The following ARID1B variants were observed in gnomAD, a reference collection of about 807,000 sequenced individuals.
The protein encoded by ARID1B is AT-rich interactive domain-containing protein 1B.
A neutral mutation model predicts 212.3 loss-of-function variants in ARID1B; 30 were observed. The ratio of observed to expected loss-of-function variants is 0.14; its 90% confidence interval spans 0.11 to 0.19. The LOEUF (loss-of-function observed/expected upper bound fraction) is 0.19, where lower values mean the gene tolerates loss of function less well. Ranked by LOEUF, ARID1B falls within the 10% of genes least tolerant of loss-of-function variation. The probability of loss-of-function intolerance (pLI) is 1.00; values close to 1 mark genes in which losing one functional copy is unlikely to be tolerated. For synonymous variants in ARID1B, 1,402 were observed against 1,301.7 expected (o/e 1.08, Z -1.66); for missense variants, 2,891 against 3,204.0 (o/e 0.90, Z 2.36).
intron 1 of ARID1B, among the ~76,000 whole-genome samples, chr6:156,826,454 CCTT>C (rs1477745357): frequency 5.3e-5 from 8 of 152,226 alleles, no homozygotes; most frequent in Non-Finnish European, 1.2e-4. Context: ...GCTCGTTCAT[CCTT>C]CTGCTTCCAG....
At chr6:157,164,283 T>C (rs1791163060) in intron 8 of ARID1B, among the ~76,000 whole-genome samples, 1 of 152,188 alleles carries the variant, frequency 6.6e-6, no homozygotes, top group African/African-American at 2.4e-5. Flanking sequence ...ATGGACCTCA[T>C]TGTTAGTTTA....
At chr6:157,178,158 T>G (rs1792236499) in intron 11 of ARID1B, among the ~76,000 whole-genome samples, 1 of 152,182 alleles carries the variant, frequency 6.6e-6, no homozygotes, top group African/African-American at 2.4e-5. Context: ...CCACGTTCAC[T>G]CCACACCTTG....
At chr6:156,875,554 A>G (rs1453097993) in intron 2 of ARID1B, among the ~76,000 whole-genome samples, 1 of 152,242 alleles carries the variant, frequency 6.6e-6, no homozygotes, top group Non-Finnish European at 1.5e-5. Context: ...AGATTTTAGC[A>G]TGAGACTGAT....
At chr6:156,869,566 C>T (rs1339077254) in intron 2 of ARID1B, among the ~76,000 whole-genome samples, 1 of 152,112 alleles carries the variant, frequency 6.6e-6, no homozygotes, top group Non-Finnish European at 1.5e-5. Flanking sequence ...TCTCAGTGAC[C>T]TATATTAACT....
intron 4 of ARID1B, among the ~76,000 whole-genome samples, chr6:157,064,299 G>C (rs866906105): frequency 6.6e-6 from 1 of 152,298 alleles, no homozygotes; most frequent in South Asian, 2.1e-4. Context: ...AGGTAACTTT[G>C]CATGTATCTG....
intron 7 of ARID1B, among the ~76,000 whole-genome samples, 185 bp downstream of exon 7, chr6:157,133,392 A>G (rs1583369538): frequency 6.6e-6 from 1 of 152,240 alleles, no homozygotes; most frequent in Non-Finnish European, 1.5e-5. Context: ...AGGAATAATT[A>G]CAGCCACTAT....
At chr6:156,847,689 T>G (rs1021899303) in intron 2 of ARID1B, among the ~76,000 whole-genome samples, 2 of 152,220 alleles carry the variant, frequency 1.3e-5, no homozygotes, top group Non-Finnish European at 2.9e-5. Context: ...CATTTGGTAG[T>G]TATTAACACA....
chr6:157,172,683 C>G (rs1791799046), intron 9 of ARID1B: 1 of 152,194 alleles, frequency 6.6e-6, no homozygotes, highest in Non-Finnish European at 1.5e-5. Flanking sequence ...GCTAATTCAC[C>G]AGAGCCTGCT....
chr6:156,924,997 A>G (rs1791104243), intron 3 of ARID1B, among the ~76,000 whole-genome samples: 1 of 152,178 alleles, frequency 6.6e-6, no homozygotes, highest in Non-Finnish European at 1.5e-5. Context: ...TTCTGAGCCC[A>G]CTGTTAGTTT....
chr6:157,004,667 C>A (rs1351629782), intron 4 of ARID1B, among the ~76,000 whole-genome samples: 1 of 152,114 alleles, frequency 6.6e-6, no homozygotes, highest in East Asian at 1.9e-4. Context: ...AACAGCCGTG[C>A]ACTTGGACTT....
intron 4 of ARID1B, among the ~76,000 whole-genome samples, chr6:156,947,307 A>C (rs1487294995): frequency 6.6e-6 from 1 of 152,132 alleles, no homozygotes; most frequent in Non-Finnish European, 1.5e-5. Flanking sequence ...TTCTTACTTT[A>C]GTTCATTTTG....
intron 8 of ARID1B, among the ~76,000 whole-genome samples, chr6:157,158,968 A>G (rs1250806382): frequency 6.6e-6 from 1 of 152,174 alleles, no homozygotes; most frequent in Non-Finnish European, 1.5e-5. Flanking sequence ...AGACCAGGAA[A>G]CTGTGCCATT....
At chr6:156,847,821 C>T (rs1484104248) in intron 2 of ARID1B, among the ~76,000 whole-genome samples, 4 of 152,110 alleles carry the variant, frequency 2.6e-5, no homozygotes, top group South Asian at 2.1e-4. Flanking sequence ...ACTGTAGACC[C>T]GGCTCTCTGC....
At chr6:156,918,256 G>C (rs1790514903) in intron 3 of ARID1B, among the ~76,000 whole-genome samples, 1 of 152,080 alleles carries the variant, frequency 6.6e-6, no homozygotes, top group Admixed American at 6.6e-5. Flanking sequence ...TTATATTGTT[G>C]TTATTTATAT....
chr6:156,966,380 TC>T (rs369277158), intron 4 of ARID1B, among the ~76,000 whole-genome samples: 41 of 98,560 alleles, frequency 4.2e-4, no homozygotes, highest in Middle Eastern at 4.5e-3. Context: ...ACTTTTCTTT[TC>T]TTTTCTTTTT....
chr6:156,789,749 T>G (rs1779890179), intron 1 of ARID1B, among the ~76,000 whole-genome samples: 1 of 152,150 alleles, frequency 6.6e-6, no homozygotes, highest in Non-Finnish European at 1.5e-5. Context: ...GATTATGCAT[T>G]TACTAGCTGT....
rs1425470225 is a variant in ARID1B, at chr6:156,829,228, G to T, written c.1793G>T (p.Gly598Val). 1 of 1,610,538 alleles carries T rather than the reference G, an allele frequency of 6.2e-7. No individual in the cohort carries two copies. Among genetic ancestry groups the T allele is most frequent in the African/African-American group, 1.3e-5 (1 of 74,988 alleles). Reference sequence around the variant, plus strand: ...CCGACTTCTTTTATGTCTTCACAGGGCAGCCCAATGGATCCAATGGTGATG... The same window carrying T: ...CCGACTTCTTTTATGTCTTCACAGGTCAGCCCAATGGATCCAATGGTGATG... ...TPGPTMGRSQ[G>V]SPMDPMVMKR... The change falls in exon 2 of 20, where the codon GGC becomes GTC. Residue 598 changes from glycine (G) to valine (V), a missense_variant and splice_region_variant. Coordinates refer to ENST00000636930, the MANE Select transcript of ARID1B (RefSeq NM_001374828.1).
At chr6:156,889,798 C>T (rs1787786284) in intron 2 of ARID1B, among the ~76,000 whole-genome samples, 1 of 151,934 alleles carries the variant, frequency 6.6e-6, no homozygotes, top group Non-Finnish European at 1.5e-5. Context: ...CAGTAGTTGG[C>T]AAGGAATTTT....
At chr6:157,176,149 T>A (rs1792084306) in intron 11 of ARID1B, among the ~76,000 whole-genome samples, 1 of 152,168 alleles carries the variant, frequency 6.6e-6, no homozygotes, top group Non-Finnish European at 1.5e-5. Flanking sequence ...GCATTTTCCC[T>A]TTCAGAGGAG....
Sources: gnomAD v4.1 joint callset for allele counts (sites outside exome capture counted in the v4.1 genomes callset) on GRCh38, gnomAD v4.1.1 for gene constraint, MANE v1.5 for transcripts, NCBI Gene and HGNC (gene_info 2026-07-23, HGNC 2026-07-21) for gene names.